SRGAP3: variants seen among roughly 807,000 people sequenced by gnomAD.
The protein encoded by SRGAP3 is SLIT-ROBO Rho GTPase activating protein 3.
A neutral mutation model predicts 121.1 loss-of-function variants in SRGAP3; 39 were observed. The ratio of observed to expected loss-of-function variants is 0.32; its 90% CI spans 0.25 to 0.42. The LOEUF is 0.42. Among genes scored for constraint, SRGAP3 ranks in the 10% least tolerant of loss-of-function variants. The pLI, the probability that SRGAP3 is intolerant of heterozygous loss-of-function variation, is 1.00. For missense variants in SRGAP3, 1,213 were observed against 1,470.6 expected (o/e 0.82, Z 2.86); for synonymous variants, 601 against 570.0 (o/e 1.05, Z -0.77).
intron 3 of SRGAP3, among the ~76,000 whole-genome samples, chr3:9,321,121 C>T (rs1955431990): frequency 6.6e-6 from 1 of 151,812 alleles, no homozygotes; most frequent in Non-Finnish European, 1.5e-5. Context: ...AAGCCCAAGT[C>T]ACATGGAGAA....
intron 2 of SRGAP3, among the ~76,000 whole-genome samples, chr3:9,120,755 T>C (rs1159539850): frequency 1.3e-5 from 2 of 152,206 alleles, no homozygotes; most frequent in Non-Finnish European, 2.9e-5. Flanking sequence ...TTGTTAGAAT[T>C]GGATATGTGT....
intron 4 of SRGAP3, among the ~76,000 whole-genome samples, chr3:9,074,684 T>C (rs56330749): frequency 0.02 from 3,118 of 152,238 alleles, 102 homozygotes; most frequent in East Asian, 0.13. Context: ...CTCTCCACCA[T>C]CCCCATCTCT....
At chr3:9,029,648 A>G (rs2125082336) in intron 12 of SRGAP3, among the ~76,000 whole-genome samples, 1 of 152,380 alleles carries the variant, frequency 6.6e-6, no homozygotes, top group South Asian at 2.1e-4. Flanking sequence ...CATGTGAATT[A>G]TAATAGAAAA....
chr3:9,168,435 G>A (rs930913184), intron 1 of SRGAP3, among the ~76,000 whole-genome samples: 2 of 152,202 alleles, frequency 1.3e-5, no homozygotes, highest in African/African-American at 2.4e-5. Context: ...TAGTGCACGT[G>A]TGCCCTCCCT....
chr3:8,993,286 C>T (rs1423975562), intron 19 of SRGAP3, among the ~76,000 whole-genome samples: 1 of 152,262 alleles, frequency 6.6e-6, no homozygotes, highest in Non-Finnish European at 1.5e-5. Context: ...ACACCTACCT[C>T]CTCCTTTTTT....
intron 3 of SRGAP3, among the ~76,000 whole-genome samples, chr3:9,281,243 T>C (rs1191867056): frequency 6.6e-6 from 1 of 152,182 alleles, no homozygotes; most frequent in Admixed American, 6.6e-5. Context: ...AAGAACATCC[T>C]ACTGGGAGCT....
chr3:9,131,242 A>G (rs1413037635), intron 1 of SRGAP3, among the ~76,000 whole-genome samples: 1 of 152,052 alleles, frequency 6.6e-6, no homozygotes, highest in Admixed American at 6.6e-5. Context: ...CCCGGGGGAC[A>G]GTTCCAGCCA....
chr3:9,083,095 C>T (rs772431966), intron 3 of SRGAP3, among the ~76,000 whole-genome samples: 65 of 152,152 alleles, frequency 4.3e-4, no homozygotes, highest in Non-Finnish European at 8.2e-4. Flanking sequence ...TCCTATTCTC[C>T]ATGACTCTCT....
chr3:9,361,989 CT>C (rs562048089), intron 1 of SRGAP3, among the ~76,000 whole-genome samples: 213 of 152,108 alleles, frequency 1.4e-3, no homozygotes, highest in African/African-American at 5.0e-3. Context: ...CAAATTGCTC[CT>C]TTCATAAATA....
At chr3:9,155,077 T>G (rs904355676) in intron 1 of SRGAP3, among the ~76,000 whole-genome samples, 1 of 152,186 alleles carries the variant, frequency 6.6e-6, no homozygotes, top group African/African-American at 2.4e-5. Context: ...CCTTTAGTAT[T>G]TCTTTCAGCA....
chr3:9,290,647 A>G (rs1954855080), intron 3 of SRGAP3, among the ~76,000 whole-genome samples: 1 of 152,186 alleles, frequency 6.6e-6, no homozygotes, highest in African/African-American at 2.4e-5. Flanking sequence ...TCACTTATCA[A>G]AACTTGCAGA....
intron 3 of SRGAP3, among the ~76,000 whole-genome samples, chr3:9,295,542 G>T (rs1954938510): frequency 6.6e-6 from 1 of 152,092 alleles, no homozygotes; most frequent in Non-Finnish European, 1.5e-5. Flanking sequence ...GACAGCAAAG[G>T]CATAAAAAGA....
At chr3:9,038,399 T>C (rs1574957116) in intron 10 of SRGAP3, among the ~76,000 whole-genome samples, 1 of 152,240 alleles carries the variant, frequency 6.6e-6, no homozygotes, top group African/African-American at 2.4e-5. Flanking sequence ...GATGCAGATT[T>C]CTTGGCTGTC....
intron 5 of SRGAP3, among the ~76,000 whole-genome samples, chr3:9,063,243 C>T (rs1039315940): frequency 9.3e-5 from 14 of 150,500 alleles, no homozygotes; most frequent in Middle Eastern, 3.4e-3. Context: ...ATCCTCCTAC[C>T]TCAGCCTCCC....
intron 11 of SRGAP3, chr3:9,033,378 A>T (rs1399389363): frequency 6.6e-6 from 1 of 152,402 alleles, no homozygotes; most frequent in East Asian, 1.9e-4. Context: ...GATAATGGTA[A>T]TATCCTGCTC....
At chr3:9,083,645 C>T (rs967984496) in intron 3 of SRGAP3, among the ~76,000 whole-genome samples, 2 of 152,208 alleles carry the variant, frequency 1.3e-5, no homozygotes, top group Non-Finnish European at 2.9e-5. Flanking sequence ...TTTACATTGC[C>T]TCCAGCATCT....
chr3:8,999,962 T>C (rs1290017664), intron 18 of SRGAP3, among the ~76,000 whole-genome samples: 1 of 151,974 alleles, frequency 6.6e-6, no homozygotes, highest in African/African-American at 2.4e-5. Context: ...TTCAAGAAAA[T>C]CTATAAAAAT....
chr3:9,206,880 C>T (rs1401993728), intron 1 of SRGAP3, among the ~76,000 whole-genome samples: 2 of 152,094 alleles, frequency 1.3e-5, no homozygotes, highest in African/African-American at 4.8e-5. Flanking sequence ...TGACAGTCTG[C>T]CTCCCGCTCC....
At chr3:8,998,070 C>CG (rs965463916) in intron 18 of SRGAP3, among the ~76,000 whole-genome samples, 2 of 151,968 alleles carry the variant, frequency 1.3e-5, no homozygotes, top group African/African-American at 2.4e-5. Context: ...TTTGTAGCAA[C>CG]GGGGGTCTCA....
Sources: allele counts gnomAD v4.1 joint callset (sites outside exome capture counted in the v4.1 genomes callset), GRCh38; gene constraint gnomAD v4.1.1; transcripts MANE v1.5; gene names NCBI Gene and HGNC (gene_info 2026-07-23, HGNC 2026-07-21).